The following ZNF354B variants were observed in gnomAD, a reference collection of about 807,000 sequenced individuals.
ZNF354B encodes the protein zinc finger protein 354B.
A neutral mutation model predicts 12.9 loss-of-function variants in ZNF354B; 10 were observed. That is an observed-to-expected ratio of 0.77 (90% confidence interval 0.48 to 1.31). The LOEUF (loss-of-function observed/expected upper bound fraction) is 1.31. ZNF354B is among the 40% of genes most tolerant of loss of function. The pLI is 0.00. For missense variants in ZNF354B, 614 were observed against 711.7 expected, an observed-to-expected ratio of 0.86 and a Z score of 1.56; for synonymous variants, 260 against 243.7, an observed-to-expected ratio of 1.07 and a Z score of -0.62.
chr5:178,870,632 G>T (rs1161153617), intron 4 of ZNF354B, among the ~76,000 whole-genome samples: 1 of 152,124 alleles, frequency 6.6e-6, no homozygotes, highest in Non-Finnish European at 1.5e-5. Context: ...AATGGTGCAG[G>T]GTGGTGAACG....
Position 178,866,234 on chromosome 5 carries a change from G to GT in ZNF354B, c.34-9dup, listed in dbSNP as rs1245397544. 9.9e-6 allele frequency: 16 copies of GT among 1,613,604 alleles called. No individual in the cohort carries two copies. The highest frequency in any genetic ancestry group is 1.4e-5 in the Non-Finnish European group (16 of 1,179,782). Reference sequence around the variant, plus strand: ...GGTCCTGGGTGAGCTGGAACGACTTGTCCTTACAGGTGTCACTGACATTCG... The same window carrying GT: ...GGTCCTGGGTGAGCTGGAACGACTTGTTCCTTACAGGTGTCACTGACATTCG... On this transcript the variant is annotated splice_polypyrimidine_tract_variant and intron_variant, in intron 2 of 4. Coordinates refer to ENST00000322434, the MANE Select transcript of ZNF354B (RefSeq NM_058230.3).
At chr5:178,880,518 T>TA (rs921606754) in intron 4 of ZNF354B, among the ~76,000 whole-genome samples, 2 of 150,492 alleles carry the variant, frequency 1.3e-5, no homozygotes, top group Admixed American at 1.3e-4. Context: ...TTTTTTTTTT[T>TA]AAAGACAGGG....
intron 4 of ZNF354B, among the ~76,000 whole-genome samples, chr5:178,869,337 T>TA (rs1314345869): frequency 6.6e-6 from 1 of 151,988 alleles, no homozygotes; most frequent in Non-Finnish European, 1.5e-5. Context: ...CTTTTTTTTT[T>TA]AAAAAGGGGA....
At chr5:178,873,067 C>T (rs574236902) in intron 4 of ZNF354B, among the ~76,000 whole-genome samples, 32 of 152,114 alleles carry the variant, frequency 2.1e-4, no homozygotes, top group Non-Finnish European at 3.7e-4. Flanking sequence ...GGCTTACAGG[C>T]GTGAGTCACC....
At chr5:178,878,752 G>T (rs1581815481) in intron 4 of ZNF354B, among the ~76,000 whole-genome samples, 1 of 152,074 alleles carries the variant, frequency 6.6e-6, no homozygotes, top group Non-Finnish European at 1.5e-5. Context: ...ACCCAGGCTG[G>T]AGTGCAGTGG....
At chr5:178,871,030 C>G (rs1483134461) in intron 4 of ZNF354B, among the ~76,000 whole-genome samples, 3 of 152,114 alleles carry the variant, frequency 2.0e-5, no homozygotes, top group Admixed American at 6.5e-5. Flanking sequence ...TACATATGCC[C>G]TGCCCCTCCC....
chr5:178,863,063 G>A (rs1196165293), intron 2 of ZNF354B, among the ~76,000 whole-genome samples: 1 of 152,180 alleles, frequency 6.6e-6, no homozygotes, highest in Non-Finnish European at 1.5e-5. Flanking sequence ...CAGATACACA[G>A]TGGTTCAAAT....
rs776536383 is a variant in ZNF354B, at chr5:178,883,556, C to G, written c.1104C>G (p.Ser368=). The part of the protein sequence containing the change: ...ECGNTFKSSS[S]LRYHQRIHTG... The stretch of plus-strand genomic sequence containing the variant: ...GCAACACCTTTAAGTCTAGCTCATC[C>G]CTTCGTTATCATCAGAGAATTCACA... Residue 368 remains serine, a synonymous_variant, in exon 5 of 5, where the codon TCC becomes TCG. Transcript: ENST00000322434. The G allele has an allele frequency of 6.2e-7, 1 of 1,613,932 alleles. No individual in the cohort carries two copies. The highest frequency in any genetic ancestry group is 1.7e-5 in the Admixed American group (1 of 60,002).
At chr5:178,877,694 GC>G (rs1046822190) in intron 4 of ZNF354B, among the ~76,000 whole-genome samples, 1 of 152,162 alleles carries the variant, frequency 6.6e-6, no homozygotes, top group African/African-American at 2.4e-5. Context: ...TGCCACTTTG[GC>G]CACCAAAGGC....
intron 4 of ZNF354B, among the ~76,000 whole-genome samples, chr5:178,876,331 C>T (rs1757638116): frequency 6.6e-6 from 1 of 152,222 alleles, no homozygotes; most frequent in South Asian, 2.1e-4. Context: ...TCCTGGAGTT[C>T]TGTTCCAGTC....
In ZNF354B at chr5:178,884,567, A is replaced by G. The variant is rs191967030; in HGVS notation, c.*276A>G. The G allele has an allele frequency of 5.8e-4, 152 of 261,358 alleles. No homozygotes were observed. The highest frequency in any genetic ancestry group is 2.8e-3 in the African/African-American group (129 of 45,316). 16.2% of individuals were successfully genotyped at this position (261,358 alleles called of 1,614,324 possible). On this transcript the variant is annotated 3_prime_UTR_variant, in exon 5 of 5. Coordinates refer to ENST00000322434, the MANE Select transcript of ZNF354B (RefSeq NM_058230.3). ...ATAATATATGCTATCTATGACATGC[A>G]AAAAAGAAAAGTCTGGGTGCTGAGG...
At chr5:178,879,450 G>T (rs972458033) in intron 4 of ZNF354B, among the ~76,000 whole-genome samples, 1 of 152,104 alleles carries the variant, frequency 6.6e-6, no homozygotes, top group African/African-American at 2.4e-5. Context: ...CCCAATCTCG[G>T]CTCACTGCAA....
At chr5:178,862,352 G>A (rs946427295) in intron 2 of ZNF354B, among the ~76,000 whole-genome samples, 6 of 148,656 alleles carry the variant, frequency 4.0e-5, no homozygotes, top group South Asian at 2.1e-4. Flanking sequence ...CTTCTGCAGC[G>A]TGGCATTATC....
At chr5:178,879,149 A>G (rs7722441) in intron 4 of ZNF354B, among the ~76,000 whole-genome samples, 30,971 of 151,458 alleles carry the variant, frequency 0.2, 3,604 homozygotes, top group Non-Finnish European at 0.25. Context: ...CCCAGCTTCA[A>G]GCGATTCTCC....
In ZNF354B at chr5:178,884,130, A is replaced by C; in HGVS notation, c.1678A>C (p.Arg560=). 6.2e-7 allele frequency: 1 copy of C among 1,614,116 alleles called. No homozygotes were observed. The highest frequency in any genetic ancestry group is 8.5e-7 in the Non-Finnish European group (1 of 1,179,978). ...FKCNTCGKTF[R]QSSSLIAHQR... is the part of the protein sequence containing the mutation. ...ATGTAATACATGTGGAAAAACTTTT[A>C]GACAAAGCTCATCACTTATTGCACA... is the stretch of plus-strand genomic sequence containing the variant. The change falls in exon 5 of 5, where the codon AGA becomes CGA. Residue 560 remains arginine, a synonymous_variant. Coordinates refer to ENST00000322434, the MANE Select transcript of ZNF354B (RefSeq NM_058230.3).
At position 178,866,148 on chromosome 5, in the gene ZNF354B, T is replaced by C. The variant is rs1258854502; in HGVS notation, c.34-96T>C. On this transcript the variant is annotated intron_variant, in intron 2 of 4. Transcript: ENST00000322434. ...GGAACCTTCAGAAGCTTGAATAGTA[T>C]GAGAAGTGTTTCACGGGTAGCGTGT... The C allele has an allele frequency of 3.3e-6, 5 of 1,529,924 alleles. No individual in the cohort carries two copies. In the Admixed American group the frequency reaches 8.3e-5, roughly 25 times the overall value. The allele number at this position is 1,529,924 out of a possible 1,614,324, so 94.8% of individuals were successfully genotyped here. A position where few individuals can be genotyped will look rare whatever the true frequency, so the allele number is the denominator to read the frequency against.
At chr5:178,863,638 C>T (rs1413066771) in intron 2 of ZNF354B, among the ~76,000 whole-genome samples, 1 of 152,160 alleles carries the variant, frequency 6.6e-6, no homozygotes, top group Non-Finnish European at 1.5e-5. Context: ...CTTCCTTTTG[C>T]TTGTTTTTTA....
chr5:178,862,155 C>G lies in ZNF354B; in HGVS notation c.33+1075C>G, dbSNP rs573974162. On this transcript the variant is annotated intron_variant, in intron 2 of 4. Transcript: ENST00000322434. ...GGGCTGAGGGCTTTACATTTGTTCT[C>G]TCACTCGCACAGTAGCACAACAATT... is the stretch of plus-strand genomic sequence containing the variant. Among the ~76,000 whole-genome samples the G allele has an allele frequency of 2.3e-4, 35 of 152,200 alleles. 1 individual carries two copies. In the South Asian group the frequency reaches 6.0e-3, roughly 26 times the overall value.
intron 2 of ZNF354B, among the ~76,000 whole-genome samples, chr5:178,862,072 A>G (rs960212600): frequency 6.6e-6 from 1 of 152,160 alleles, no homozygotes; most frequent in Non-Finnish European, 1.5e-5. Context: ...GTTATCCTTT[A>G]TTCATTTTTT....
Sources: allele counts gnomAD v4.1 joint callset (sites outside exome capture counted in the v4.1 genomes callset), GRCh38; gene constraint gnomAD v4.1.1; transcripts MANE v1.5; gene names NCBI Gene and HGNC (gene_info 2026-07-23, HGNC 2026-07-21).